SLC2A12: variants seen among roughly 807,000 people sequenced by gnomAD.
The protein encoded by SLC2A12 is solute carrier family 2 member 12, also known as solute carrier family 2, facilitated glucose transporter member 12.
SLC2A12 carries 23 observed loss-of-function variants against 41.8 expected under a neutral mutation model. The observed-to-expected ratio is 0.55, with a 90% confidence interval of 0.40 to 0.78. SLC2A12 has a LOEUF of 0.78. SLC2A12 is among the 30% of genes least tolerant of loss of function. The pLI is 0.00. For missense variants in SLC2A12, 654 were observed against 745.6 expected (o/e 0.88, Z 1.43); for synonymous variants, 295 against 285.9 (o/e 1.03, Z -0.32).
chr6:134,000,070 C>G (rs908041126), intron 4 of SLC2A12, among the ~76,000 whole-genome samples: 2 of 152,140 alleles, frequency 1.3e-5, no homozygotes, highest in African/African-American at 4.8e-5. Context: ...ATTTTAACCT[C>G]CACTTGGATA....
intron 3 of SLC2A12, among the ~76,000 whole-genome samples, chr6:134,006,482 C>T (rs1350103142): frequency 1.3e-5 from 2 of 151,956 alleles, no homozygotes; most frequent in Non-Finnish European, 2.9e-5. Context: ...GTGTTTGATA[C>T]TATGGGATGA....
chr6:134,007,053 C>CCGG, intron 2 of SLC2A12, 119 bp from the exon 3 acceptor site: 1 of 1,271,656 alleles, frequency 7.9e-7, no homozygotes, highest in Non-Finnish European at 1.1e-6. Context: ...GGTTGGGAAG[C>CCGG]ACCATTTCCT....
intron 1 of SLC2A12, among the ~76,000 whole-genome samples, chr6:134,036,697 G>C (rs184241155): frequency 2.6e-5 from 4 of 152,234 alleles, no homozygotes; most frequent in Admixed American, 2.6e-4. Context: ...CCCCACAATT[G>C]TATCAACAGA....
chr6:134,042,279 A>G (rs1777392089), intron 1 of SLC2A12, among the ~76,000 whole-genome samples: 1 of 152,222 alleles, frequency 6.6e-6, no homozygotes, highest in Non-Finnish European at 1.5e-5. Context: ...AATGGGAAGA[A>G]CATAAACTAT....
intron 4 of SLC2A12, among the ~76,000 whole-genome samples, chr6:133,995,351 T>G (rs1776674295): frequency 1.4e-5 from 2 of 147,492 alleles, no homozygotes; most frequent in African/African-American, 2.5e-5. Context: ...AGAGAGGGGG[T>G]GAAGGGGGCT....
intron 2 of SLC2A12, among the ~76,000 whole-genome samples, chr6:134,026,481 T>C (rs567007714): frequency 2.0e-5 from 3 of 152,174 alleles, no homozygotes; most frequent in Non-Finnish European, 4.4e-5. Flanking sequence ...ATAATAAAAA[T>C]GAAAATAAGA....
chr6:134,027,689 G>C (rs1158964522), intron 2 of SLC2A12, among the ~76,000 whole-genome samples: 2 of 152,170 alleles, frequency 1.3e-5, no homozygotes, highest in East Asian at 3.8e-4. Context: ...GCCTATTCTA[G>C]TAAATCCATC....
At chr6:134,019,485 C>T (rs982104778) in intron 2 of SLC2A12, among the ~76,000 whole-genome samples, 3 of 152,218 alleles carry the variant, frequency 2.0e-5, no homozygotes, top group African/African-American at 7.2e-5. Context: ...TGATCAAGAG[C>T]ACCCCAGAAA....
chr6:133,995,123 C>T (rs536511238), intron 4 of SLC2A12, among the ~76,000 whole-genome samples: 15 of 152,274 alleles, frequency 9.9e-5, no homozygotes, highest in Admixed American at 7.8e-4. Context: ...ATATAGACAA[C>T]GCTTTAGAAA....
rs556682723 is a variant in SLC2A12, at chr6:133,991,365, G to A, written c.1701-57C>T. The A allele has an allele frequency of 7.7e-5, 121 of 1,564,926 alleles. 2 individuals carry two copies. The East Asian group carries it at 1.3e-3, about 17-fold the overall frequency. On this transcript the variant is annotated intron_variant, in intron 4 of 4. Transcript: ENST00000275230. ...CATTCTTAGTTTACATGAAAAAAAT[G>A]TGTAGGCTATTATTTTTTAAACCAC...
At position 134,052,522 on chromosome 6, in the gene SLC2A12, C is replaced by T. The variant is rs906031592; in HGVS notation, c.-42G>A. On this transcript the variant is annotated 5_prime_UTR_variant, in exon 1 of 5. Coordinates refer to ENST00000275230, the MANE Select transcript of SLC2A12 (RefSeq NM_145176.3). ...CAGCCGCTTCCCCGCCACCAAACCG[C>T]CCCGACCACCCCCGCTCCCAGGAGT... The T allele has an allele frequency of 7.5e-6, 11 of 1,470,362 alleles. No individual in the cohort carries two copies. The highest frequency in any genetic ancestry group is 1.0e-5 in the Non-Finnish European group (11 of 1,055,364). 91.1% of individuals were successfully genotyped at this position (1,470,362 alleles called of 1,614,324 possible). A position where few individuals can be genotyped will look rare whatever the true frequency, so the allele number is the denominator to read the frequency against.
intron 2 of SLC2A12, chr6:134,009,332 A>G (rs972930047): frequency 6.6e-6 from 1 of 152,216 alleles, no homozygotes; most frequent in Non-Finnish European, 1.5e-5. Context: ...TTCGAAAGGA[A>G]ACTTGTCAAG....
chr6:134,026,454 A>C (rs1203143653), intron 2 of SLC2A12, among the ~76,000 whole-genome samples: 1 of 152,168 alleles, frequency 6.6e-6, no homozygotes, highest in Non-Finnish European at 1.5e-5. Context: ...AAATGTAATA[A>C]AAATAAAATA....
At chr6:134,000,915 C>T (rs900347323) in intron 4 of SLC2A12, among the ~76,000 whole-genome samples, 2 of 152,122 alleles carry the variant, frequency 1.3e-5, no homozygotes, top group African/African-American at 4.8e-5. Context: ...AGTTTTTCTG[C>T]TAATCTTAGC....
chr6:134,002,110 C>T lies in SLC2A12; in HGVS notation c.1587G>A (p.Trp529Ter), dbSNP rs1776760805. 1 of 1,596,768 alleles carries T rather than the reference C, an allele frequency of 6.3e-7. No individual in the cohort carries two copies. Among genetic ancestry groups the T allele is most frequent in the Non-Finnish European group, 8.5e-7 (1 of 1,175,140 alleles). ...LTVTDLIGLP[W>*]VCFIYTIMSL... The stretch of plus-strand genomic sequence containing the variant: ...TCATGATTGTATATATAAAGCACAC[C>T]CATGGCAGGCCAATAAGATCTATAA... The change falls in exon 4 of 5, where the codon TGG becomes TGA. Residue 529 changes from tryptophan to a stop codon, truncating the protein, a stop_gained. Transcript: ENST00000275230. LOFTEE classifies it high-confidence loss of function.
At chr6:134,040,051 G>GT (rs1334808484) in intron 1 of SLC2A12, among the ~76,000 whole-genome samples, 24 of 86,056 alleles carry the variant, frequency 2.8e-4, no homozygotes, top group African/African-American at 1.1e-3. Flanking sequence ...TCAGGTTGTT[G>GT]TTTTTTGTTT....
chr6:134,021,850 A>C (rs1480531892), intron 2 of SLC2A12, among the ~76,000 whole-genome samples: 1 of 152,238 alleles, frequency 6.6e-6, no homozygotes, highest in African/African-American at 2.4e-5. Flanking sequence ...TTAACTTCAA[A>C]AAGAGGAAGG....
chr6:133,999,027 G>A (rs1776725816), intron 4 of SLC2A12, among the ~76,000 whole-genome samples: 1 of 152,172 alleles, frequency 6.6e-6, no homozygotes, highest in Admixed American at 6.5e-5. Context: ...ACATAAGAAA[G>A]ATAATGGACA....
At chr6:134,041,043 A>G (rs1777375499) in intron 1 of SLC2A12, among the ~76,000 whole-genome samples, 1 of 152,110 alleles carries the variant, frequency 6.6e-6, no homozygotes. Flanking sequence ...GTTCCATTGA[A>G]CCAAGAAAGG....
Sources: allele counts gnomAD v4.1 joint callset (sites outside exome capture counted in the v4.1 genomes callset), GRCh38; gene constraint gnomAD v4.1.1; transcripts MANE v1.5; gene names NCBI Gene and HGNC (gene_info 2026-07-23, HGNC 2026-07-21).